Variants in EFR3A observed in about 807,000 individuals in gnomAD.
EFR3A encodes protein EFR3 homolog A.
In EFR3A, 76 loss-of-function variants were observed where a neutral mutation model predicts 104.4. The ratio of observed to expected loss-of-function variants is 0.73; its 90% CI spans 0.60 to 0.88. EFR3A has a LOEUF of 0.88. Ranked by LOEUF, EFR3A falls within the 40% of genes least tolerant of loss-of-function variation. The pLI, the probability that EFR3A is intolerant of heterozygous loss-of-function variation, is 0.00. For missense variants in EFR3A, 985 were observed against 1,012.5 expected, an observed-to-expected ratio of 0.97 and a Z score of 0.37; for synonymous variants, 330 against 330.0, an observed-to-expected ratio of 1.00 and a Z score of 0.00.
Position 131,990,566 on chromosome 8 carries a change from T to C in EFR3A, c.2065+2864T>C, listed in dbSNP as rs188081249. Among the ~76,000 whole-genome samples the C allele has an allele frequency of 9.5e-4, 144 of 152,320 alleles. 1 individual carries two copies. Among genetic ancestry groups the C allele is most frequent in the African/African-American group, 3.2e-3 (132 of 41,568 alleles). ...GAATTGTAAAGCAAGGTGAACTAGT[T>C]TGAACTCTGTTCTGAAGGCAATGGG... is the stretch of plus-strand genomic sequence containing the variant. On this transcript the variant is annotated intron_variant, in intron 18 of 22. Coordinates refer to ENST00000254624, the MANE Select transcript of EFR3A (RefSeq NM_015137.6).
intron 1 of EFR3A, among the ~76,000 whole-genome samples, chr8:131,907,861 C>A (rs1430389358): frequency 6.6e-6 from 1 of 151,644 alleles, no homozygotes; most frequent in African/African-American, 2.4e-5. Flanking sequence ...CTTCTTCTAC[C>A]CACCACCTAT....
chr8:131,904,225 G>A lies in EFR3A; in HGVS notation c.-88G>A. The A allele has an allele frequency of 1.6e-6, 2 of 1,256,756 alleles. No individual in the cohort carries two copies. The highest frequency in any genetic ancestry group is 2.0e-6 in the Non-Finnish European group (2 of 995,982). 77.9% of individuals were successfully genotyped at this position (1,256,756 alleles called of 1,614,324 possible). A position where few individuals can be genotyped will look rare whatever the true frequency, so the allele number is the denominator to read the frequency against. ...CCTTCGCCTCGTTCCGGCCTCCGCG[G>A]CCCAGCAACGGCCGTCATGGTGCCG... On this transcript the variant is annotated 5_prime_UTR_variant, in exon 1 of 23. Transcript: ENST00000254624.
intron 19 of EFR3A, among the ~76,000 whole-genome samples, chr8:131,997,285 A>G (rs992152202): frequency 1.1e-4 from 16 of 152,092 alleles, no homozygotes; most frequent in African/African-American, 3.9e-4. Flanking sequence ...CATTGGTACA[A>G]TATGCATAAT....
chr8:132,009,523 C>T (rs1267673764), intron 22 of EFR3A, among the ~76,000 whole-genome samples: 1 of 151,932 alleles, frequency 6.6e-6, no homozygotes, highest in African/African-American at 2.4e-5. Context: ...ATTGGACCTG[C>T]ATATGGGTAA....
At chr8:131,979,303 T>A (rs764779514) in intron 13 of EFR3A, 43 bp from the exon 14 acceptor site, 5 of 1,350,432 alleles carry the variant, frequency 3.7e-6, no homozygotes. Flanking sequence ...ATATTGTAAA[T>A]AAGTGTGCTA....
chr8:131,946,472 C>G lies in EFR3A; in HGVS notation c.216-11C>G. On this transcript the variant is annotated splice_polypyrimidine_tract_variant and intron_variant, in intron 3 of 22. Transcript: ENST00000254624. ...AGAAATGCTTTGACATTCTTTTTCT[C>G]CTACATGTAGGTATGTTTTGATTGC... is the stretch of plus-strand genomic sequence containing the variant. 6.5e-7 allele frequency: 1 copy of G among 1,528,444 alleles called. No homozygotes were observed. The highest frequency in any genetic ancestry group is 8.8e-7 in the Non-Finnish European group (1 of 1,138,334). 94.7% of individuals were successfully genotyped at this position (1,528,444 alleles called of 1,614,324 possible).
chr8:132,002,417 G>T (rs952983411), intron 20 of EFR3A, among the ~76,000 whole-genome samples, 186 bp from the exon 21 acceptor site: 1 of 152,088 alleles, frequency 6.6e-6, no homozygotes, highest in South Asian at 2.1e-4. Context: ...GGGTTTTTGT[G>T]TGTGTGTGCT....
chr8:132,012,856 G>GTAT lies in EFR3A; in HGVS notation c.*1963_*1965dup, dbSNP rs1563719938. 1 of 152,246 alleles carries GTAT rather than the reference G, an allele frequency of 6.6e-6. No individual in the cohort carries two copies. Among genetic ancestry groups the GTAT allele is most frequent in the East Asian group, 1.9e-4 (1 of 5,198 alleles). 9.4% of individuals were successfully genotyped at this position (152,246 alleles called of 1,614,324 possible). A position where few individuals can be genotyped will look rare whatever the true frequency, so the allele number is the denominator to read the frequency against. ...GTTTCTTAGTGATTTTAAAATGCAT[G>GTAT]TATTGCATGTAAAGGAAAACCATTA... On this transcript the variant is annotated 3_prime_UTR_variant, in exon 23 of 23. Transcript: ENST00000254624.
At chr8:131,983,306 T>TA (rs1820711395) in intron 14 of EFR3A, among the ~76,000 whole-genome samples, 1 of 152,092 alleles carries the variant, frequency 6.6e-6, no homozygotes, top group Non-Finnish European at 1.5e-5. Context: ...ACTGACCAGT[T>TA]ACATCATATT....
rs578239397 is a variant in EFR3A at position 131,966,453 on chromosome 8, A to G, written c.856-1842A>G. On this transcript the variant is annotated intron_variant, in intron 8 of 22. Coordinates refer to ENST00000254624, the MANE Select transcript of EFR3A (RefSeq NM_015137.6). Reference sequence around the variant, plus strand: ...TGTTATGTTCAATGTTAATAGTCATATATTAGCTCACAAGTCACAAATTGA... The same window carrying G: ...TGTTATGTTCAATGTTAATAGTCATGTATTAGCTCACAAGTCACAAATTGA... Among the ~76,000 whole-genome samples the G allele has an allele frequency of 1.8e-3, 278 of 152,284 alleles. 2 individuals carry two copies. The highest frequency in any genetic ancestry group is 6.5e-3 in the African/African-American group (270 of 41,572).
chr8:131,907,564 ATGTT>A (rs1447729536), intron 1 of EFR3A, among the ~76,000 whole-genome samples: 2 of 152,262 alleles, frequency 1.3e-5, no homozygotes, highest in South Asian at 2.1e-4. Context: ...TGGTTACTCC[ATGTT>A]TGTTTTTCTT....
At chr8:131,915,599 G>T (rs1462761584) in intron 1 of EFR3A, among the ~76,000 whole-genome samples, 3 of 152,140 alleles carry the variant, frequency 2.0e-5, no homozygotes, top group African/African-American at 7.2e-5. Flanking sequence ...TGGTGCTATT[G>T]GGGGCCCAGG....
intron 12 of EFR3A, among the ~76,000 whole-genome samples, chr8:131,978,514 T>G (rs10107805): frequency 0.34 from 51,028 of 151,964 alleles, 8,955 homozygotes; most frequent in East Asian, 0.61. Context: ...AACCTTAACC[T>G]CTCTGTGCCT....
intron 8 of EFR3A, among the ~76,000 whole-genome samples, chr8:131,964,256 C>T (rs1333105304): frequency 6.6e-6 from 1 of 151,716 alleles, no homozygotes; most frequent in Non-Finnish European, 1.5e-5. Context: ...AAAGGGTATT[C>T]AATTAGGAAA....
chr8:131,991,511 T>C (rs1246126806), intron 18 of EFR3A, among the ~76,000 whole-genome samples: 1 of 152,168 alleles, frequency 6.6e-6, no homozygotes, highest in Non-Finnish European at 1.5e-5. Context: ...TTGAGTATCT[T>C]TGACAGTGGA....
chr8:131,929,824 A>G (rs1817496197), intron 1 of EFR3A, among the ~76,000 whole-genome samples: 1 of 152,180 alleles, frequency 6.6e-6, no homozygotes, highest in East Asian at 1.9e-4. Flanking sequence ...ACTGAAATAC[A>G]GAAATATAAG....
chr8:131,942,874 T>C (rs76289472), intron 2 of EFR3A, among the ~76,000 whole-genome samples: 7,081 of 152,120 alleles, frequency 0.047, 234 homozygotes, highest in Non-Finnish European at 0.067. Flanking sequence ...TTGCACAAAA[T>C]ATATGATTTG....
chr8:131,981,531 C>T (rs895959317), intron 14 of EFR3A, among the ~76,000 whole-genome samples: 1 of 151,648 alleles, frequency 6.6e-6, no homozygotes, highest in African/African-American at 2.4e-5. Flanking sequence ...TTTCATTTAC[C>T]TTCCAATTTG....
intron 22 of EFR3A, 21 bp from the exon 23 acceptor site, chr8:132,010,769 T>C: frequency 1.2e-6 from 2 of 1,609,832 alleles, no homozygotes; most frequent in Non-Finnish European, 1.7e-6. Flanking sequence ...CTGCTGACAA[T>C]GTATTTTTGT....
Sources: gnomAD v4.1 joint callset for allele counts (sites outside exome capture counted in the v4.1 genomes callset) on GRCh38, gnomAD v4.1.1 for gene constraint, MANE v1.5 for transcripts, NCBI Gene and HGNC (gene_info 2026-07-23, HGNC 2026-07-21) for gene names.